Variants in DMD observed in about 807,000 individuals in gnomAD.
DMD encodes dystrophin.
A neutral mutation model predicts 330.1 loss-of-function variants in DMD; 63 were observed. That is an observed-to-expected ratio of 0.19 (90% CI 0.16 to 0.24). DMD has a LOEUF of 0.24. DMD is among the 10% of genes least tolerant of loss of function. DMD has a pLI of 1.00. For synonymous variants in DMD, 1,223 were observed against 959.8 expected (o/e 1.27, Z -5.07); for missense variants, 3,344 against 2,684.1 (o/e 1.25, Z -5.43).
At chrX:33,232,987 A>G (rs1394142551) in intron 1 of DMD, among the ~76,000 whole-genome samples, 1 of 111,584 alleles carries the variant, frequency 9.0e-6, no homozygotes, top group African/African-American at 3.3e-5. Context: ...TTAGTTAGGT[A>G]GGAGGAAGAA....
At chrX:32,237,109 C>T (rs1319244705) in intron 43 of DMD, among the ~76,000 whole-genome samples, 1 of 110,784 alleles carries the variant, frequency 9.0e-6, no homozygotes, top group Non-Finnish European at 1.9e-5. Flanking sequence ...TTGCTTTGTG[C>T]TGTTGCTTAA....
chrX:31,748,660 G>A (rs932914090), intron 51 of DMD, among the ~76,000 whole-genome samples: 9 of 111,802 alleles, frequency 8.0e-5, no homozygotes, highest in African/African-American at 1.3e-4. Flanking sequence ...TTGCACATGG[G>A]ATGGATTTGA....
intron 13 of DMD, among the ~76,000 whole-genome samples, chrX:32,587,433 G>A (rs887179644): frequency 4.5e-5 from 5 of 111,436 alleles, no homozygotes; most frequent in Non-Finnish European, 9.4e-5. Context: ...TATCACTGTT[G>A]GTCAAAATAA....
intron 48 of DMD, among the ~76,000 whole-genome samples, chrX:31,848,327 C>T: frequency 9.0e-6 from 1 of 111,432 alleles, no homozygotes; most frequent in Non-Finnish European, 1.9e-5. Flanking sequence ...AACCTTTTAT[C>T]TCGCAAATGG....
chrX:31,499,544 G>A (rs2070224648), intron 56 of DMD, among the ~76,000 whole-genome samples: 1 of 98,356 alleles, frequency 1.0e-5, no homozygotes, highest in Non-Finnish European at 2.0e-5. Flanking sequence ...CCAGGCTGGA[G>A]TGCAATGGCA....
At chrX:32,428,370 A>G (rs1387135770) in intron 29 of DMD, among the ~76,000 whole-genome samples, 2 of 111,584 alleles carry the variant, frequency 1.8e-5, no homozygotes, top group African/African-American at 6.5e-5. Context: ...AATATGTGAA[A>G]TGTATTGACA....
chrX:31,147,392 A>G lies in DMD; in HGVS notation c.10680T>C (p.Ala3560=), dbSNP rs2147934403. The change falls in exon 75 of 79, where the codon GCT becomes GCC. Residue 3560 remains alanine, a synonymous_variant. Coordinates refer to ENST00000357033, the MANE Select transcript of DMD (RefSeq NM_004006.3). ...PQSPRDAELI[A]EAKLLRQHKG... ...TGTGTTGACGCAGTAGCTTGGCCTCAGCAATGAGCTCAGCATCCCGGGGAC... is the reference window on the plus strand; with the variant it reads ...TGTGTTGACGCAGTAGCTTGGCCTCGGCAATGAGCTCAGCATCCCGGGGAC... 8.3e-7 allele frequency: 1 copy of G among 1,210,800 alleles called. No homozygotes were observed.
intron 7 of DMD, among the ~76,000 whole-genome samples, chrX:32,801,222 T>A (rs1455353496): frequency 8.9e-6 from 1 of 111,744 alleles, no homozygotes; most frequent in Non-Finnish European, 1.9e-5. Flanking sequence ...CCATTCTAAC[T>A]AGCATGAGAT....
At chrX:31,241,756 C>T (rs1373727000) in intron 63 of DMD, among the ~76,000 whole-genome samples, 1 of 111,247 alleles carries the variant, frequency 9.0e-6, no homozygotes, top group Non-Finnish European at 1.9e-5. Context: ...CAAAACAAAA[C>T]GAAATAATCT....
intron 50 of DMD, among the ~76,000 whole-genome samples, chrX:31,817,073 A>T (rs1047910067): frequency 3.6e-5 from 4 of 110,916 alleles, no homozygotes; most frequent in Non-Finnish European, 7.5e-5. Flanking sequence ...TAATCTAGCT[A>T]TCTCCCCTCT....
At chrX:31,831,687 C>G (rs911560762) in intron 49 of DMD, among the ~76,000 whole-genome samples, 1 of 111,327 alleles carries the variant, frequency 9.0e-6, no homozygotes, top group Non-Finnish European at 1.9e-5. Context: ...CAAGCTCTGC[C>G]TCCCGGGTTC....
intron 2 of DMD, among the ~76,000 whole-genome samples, chrX:32,860,528 C>A (rs1314912855): frequency 9.0e-6 from 1 of 111,134 alleles, no homozygotes; most frequent in Non-Finnish European, 1.9e-5. Context: ...GACCAGCTCC[C>A]AGAAAAATAA....
chrX:32,542,926 G>A (rs1401831421), intron 17 of DMD, among the ~76,000 whole-genome samples: 1 of 111,623 alleles, frequency 9.0e-6, no homozygotes, highest in Non-Finnish European at 1.9e-5. Context: ...GTGTAACTGG[G>A]ATGGCTTCAG....
chrX:32,478,042 T>C (rs2041421460), intron 21 of DMD, among the ~76,000 whole-genome samples: 1 of 112,136 alleles, frequency 8.9e-6, no homozygotes, highest in Non-Finnish European at 1.9e-5. Context: ...ATGTGGTTTC[T>C]AGAACATTTA....
At chrX:33,032,262 A>G (rs927004182) in intron 1 of DMD, among the ~76,000 whole-genome samples, 1 of 112,214 alleles carries the variant, frequency 8.9e-6, no homozygotes, top group Non-Finnish European at 1.9e-5. Context: ...TACACGCCTC[A>G]GGTAGCCTCT....
In DMD at chrX:32,893,951, A is replaced by C. The variant is rs145937599; in HGVS notation, c.94-44131T>G. ...CTAGTGACAACCTATGAAAACATGC[A>C]CTGGGTGGCCGGTGCCATTCCAGTG... On this transcript the variant is annotated intron_variant, in intron 2 of 78. Coordinates refer to ENST00000357033, the MANE Select transcript of DMD (RefSeq NM_004006.3). 4.5e-3 allele frequency among the ~76,000 whole-genome samples: 496 copies of C among 110,720 alleles called. 17 individuals are homozygous for C. The East Asian group carries it at 0.097, about 22-fold the overall frequency.
intron 49 of DMD, among the ~76,000 whole-genome samples, chrX:31,821,347 C>T (rs978007370): frequency 2.7e-5 from 3 of 112,450 alleles, no homozygotes; most frequent in African/African-American, 9.7e-5. Context: ...GGTGTTGATG[C>T]TGATTGTTCA....
intron 45 of DMD, among the ~76,000 whole-genome samples, chrX:31,943,889 GAGAGAGAGAGAGAGAGA>G (rs2095043204): frequency 1.7e-5 from 1 of 60,106 alleles, no homozygotes; most frequent in African/African-American, 7.4e-5. Flanking sequence ...GAGAGAGAGA[GAGAGAGAGAGAGAGAGA>G]GAGAGAGAGA....
At chrX:33,210,003 G>T (rs2051803579) in intron 1 of DMD, among the ~76,000 whole-genome samples, 1 of 110,132 alleles carries the variant, frequency 9.1e-6, no homozygotes, top group Admixed American at 9.7e-5. Flanking sequence ...AAATGTGTGT[G>T]TATATTGCAA....
Sources: gnomAD v4.1 joint callset for allele counts (sites outside exome capture counted in the v4.1 genomes callset) on GRCh38, gnomAD v4.1.1 for gene constraint, MANE v1.5 for transcripts, NCBI Gene and HGNC (gene_info 2026-07-23, HGNC 2026-07-21) for gene names.